The following KDM1A variants were observed in gnomAD, a reference collection of about 807,000 sequenced individuals.
The protein encoded by KDM1A is lysine-specific histone demethylase 1A.
In KDM1A, 49 loss-of-function variants were observed where a neutral mutation model predicts 109.4. That is an observed-to-expected ratio of 0.45 (90% CI 0.36 to 0.57). The LOEUF (loss-of-function observed/expected upper bound fraction) is 0.57, where lower values mean the gene tolerates loss of function less well. KDM1A is among the 20% of genes least tolerant of loss of function. KDM1A has a pLI of 0.00. For synonymous variants in KDM1A, 380 were observed against 415.4 expected, an observed-to-expected ratio of 0.91 and a Z score of 1.04; for missense variants, 668 against 1,116.6, an observed-to-expected ratio of 0.60 and a Z score of 5.73.
At chr1:23,058,536 C>T (rs1324555074) in intron 8 of KDM1A, among the ~76,000 whole-genome samples, 1 of 152,086 alleles carries the variant, frequency 6.6e-6, no homozygotes, top group African/African-American at 2.4e-5. Flanking sequence ...TTAATAGAAA[C>T]AGGGTCTTGC....
At chr1:23,024,308 T>G (rs1323656913) in intron 1 of KDM1A, among the ~76,000 whole-genome samples, 1 of 152,168 alleles carries the variant, frequency 6.6e-6, no homozygotes, top group Admixed American at 6.5e-5. Flanking sequence ...AACTATCCAG[T>G]CTTGGGATCC....
chr1:23,082,029 A>G, intron 19 of KDM1A, 191 bp from the exon 20 acceptor site: 1 of 540,316 alleles, frequency 1.9e-6, no homozygotes, highest in Non-Finnish European at 3.3e-6. Context: ...ATGGAGGGGC[A>G]TCCTTCCTGT....
chr1:23,063,049 A>G (rs759707489), intron 9 of KDM1A, among the ~76,000 whole-genome samples: 4 of 152,058 alleles, frequency 2.6e-5, no homozygotes, highest in Non-Finnish European at 4.4e-5. Flanking sequence ...TGAAAGCACA[A>G]TTGGTGGGGG....
intron 1 of KDM1A, among the ~76,000 whole-genome samples, chr1:23,025,871 C>T (rs1032294611): frequency 1.7e-4 from 26 of 151,998 alleles, no homozygotes; most frequent in Non-Finnish European, 8.8e-5. Context: ...GTGGACAGAT[C>T]GATTGAGCCC....
chr1:23,082,103 C>G (rs922335859), intron 19 of KDM1A, 117 bp from the exon 20 acceptor site: 1 of 1,058,980 alleles, frequency 9.4e-7, no homozygotes, highest in Non-Finnish European at 1.4e-6. Context: ...CTGGCTCTCA[C>G]ATGTTGCCCC....
rs559502293 is a variant in KDM1A at position 23,019,999 on chromosome 1, G to C, written c.351+52G>C. The C allele has an allele frequency of 2.1e-6, 3 of 1,413,448 alleles. No homozygotes were observed. In the East Asian group the frequency reaches 9.0e-5, roughly 42 times the overall value. 87.6% of individuals were successfully genotyped at this position (1,413,448 alleles called of 1,614,324 possible). A position where few individuals can be genotyped will look rare whatever the true frequency, so the allele number is the denominator to read the frequency against. The stretch of plus-strand genomic sequence containing the variant: ...ACACCGCCTGGTGCCGAGCTTCCCC[G>C]AGGCTTCTCCGCCCTCCCCCGCCGC... On this transcript the variant is annotated intron_variant, in intron 1 of 20. Transcript: ENST00000400181.
At chr1:23,037,493 A>C (rs1642184698) in intron 2 of KDM1A, among the ~76,000 whole-genome samples, 1 of 152,214 alleles carries the variant, frequency 6.6e-6, no homozygotes, top group Non-Finnish European at 1.5e-5. Context: ...AATACATTGC[A>C]GAATGACCAA....
chr1:23,020,129 C>G (rs1641577555), intron 1 of KDM1A, 182 bp downstream of exon 1: 1 of 600,336 alleles, frequency 1.7e-6, no homozygotes, highest in East Asian at 3.5e-5. Context: ...AAAGTCTTTG[C>G]CGGTGTTGAC....
chr1:23,043,523 A>G (rs990569783), intron 2 of KDM1A, among the ~76,000 whole-genome samples: 3 of 152,080 alleles, frequency 2.0e-5, no homozygotes, highest in African/African-American at 7.2e-5. Context: ...GTTTATCTAG[A>G]TCATTGGGAG....
chr1:23,046,997 C>T (rs1323944857), intron 3 of KDM1A, among the ~76,000 whole-genome samples: 2 of 152,180 alleles, frequency 1.3e-5, no homozygotes, highest in Non-Finnish European at 2.9e-5. Flanking sequence ...GTGTAAATTA[C>T]TTCTGAATTA....
chr1:23,038,675 T>C (rs542625143), intron 2 of KDM1A, among the ~76,000 whole-genome samples: 1 of 152,334 alleles, frequency 6.6e-6, no homozygotes, highest in Non-Finnish European at 1.5e-5. Flanking sequence ...GTAGGGCCTT[T>C]TACTTTCTTT....
At chr1:23,076,118 T>G (rs1018126251) in intron 15 of KDM1A, among the ~76,000 whole-genome samples, 3 of 152,228 alleles carry the variant, frequency 2.0e-5, no homozygotes, top group African/African-American at 7.2e-5. Context: ...TCATTTGATG[T>G]TTCAATATGT....
At chr1:23,080,885 T>C (rs1368823113) in intron 18 of KDM1A, 1 of 152,340 alleles carries the variant, frequency 6.6e-6, no homozygotes, top group Non-Finnish European at 1.5e-5. Context: ...AGCTTTTAAG[T>C]TAATAATTGT....
At chr1:23,029,714 A>G (rs996912360) in intron 1 of KDM1A, among the ~76,000 whole-genome samples, 1 of 152,130 alleles carries the variant, frequency 6.6e-6, no homozygotes, top group Admixed American at 6.5e-5. Flanking sequence ...ATCTTGGCTC[A>G]CTGCAACCTC....
At chr1:23,080,495 T>C (rs935269599) in intron 18 of KDM1A, among the ~76,000 whole-genome samples, 1 of 152,224 alleles carries the variant, frequency 6.6e-6, no homozygotes. Context: ...TATTCCTGCT[T>C]CTTTTAGTGA....
chr1:23,044,757 A>G (rs1046592937), intron 3 of KDM1A, among the ~76,000 whole-genome samples: 2 of 152,188 alleles, frequency 1.3e-5, no homozygotes, highest in Non-Finnish European at 2.9e-5. Context: ...CTTTCTATTA[A>G]TAGTAAACAT....
At chr1:23,031,480 G>A (rs911639090) in intron 2 of KDM1A, among the ~76,000 whole-genome samples, 2 of 152,092 alleles carry the variant, frequency 1.3e-5, no homozygotes, top group African/African-American at 4.8e-5. Flanking sequence ...AAAACAAAAT[G>A]GTGGTTTCAG....
rs149557028 is a variant in KDM1A at position 23,030,576 on chromosome 1, A to T, written c.459A>T (p.Pro153=). The T allele has an allele frequency of 1.9e-6, 3 of 1,610,766 alleles. No individual in the cohort carries two copies. The African/African-American group carries it at 4.0e-5, about 22-fold the overall frequency. Reference sequence around the variant, plus strand: ...CAGAGAAGGAAAAGAAGCTTCCCCCACCACCCCCTCAAGCCCCACCTGAGG... The same window carrying T: ...CAGAGAAGGAAAAGAAGCTTCCCCCTCCACCCCCTCAAGCCCCACCTGAGG... ...AKAEKEKKLP[P]PPPQAPPEEE... is the part of the protein sequence containing the mutation. Residue 153 remains proline, a synonymous_variant, in exon 2 of 21, where the codon CCA becomes CCT. Coordinates refer to ENST00000400181, the MANE Select transcript of KDM1A (RefSeq NM_001009999.3).
chr1:23,019,531 C>G lies in KDM1A; in HGVS notation c.-66C>G, dbSNP rs1482451134. Reference sequence around the variant, plus strand: ...CAGCGTGAAGCGAGGCGAGGCAAGGCTTTTCGGACCCACGGAGCGACAGAG... The same window carrying G: ...CAGCGTGAAGCGAGGCGAGGCAAGGGTTTTCGGACCCACGGAGCGACAGAG... On this transcript the variant is annotated 5_prime_UTR_variant, in exon 1 of 21. Transcript: ENST00000400181. The G allele has an allele frequency of 4.5e-6, 6 of 1,334,378 alleles. No homozygotes were observed. Among genetic ancestry groups the G allele is most frequent in the Admixed American group, 3.1e-5 (1 of 32,144 alleles). The allele number at this position is 1,334,378 out of a possible 1,614,324, so 82.7% of individuals were successfully genotyped here.
Sources: gnomAD v4.1 joint callset for allele counts (sites outside exome capture counted in the v4.1 genomes callset) on GRCh38, gnomAD v4.1.1 for gene constraint, MANE v1.5 for transcripts, NCBI Gene and HGNC (gene_info 2026-07-23, HGNC 2026-07-21) for gene names.